The following MDC1 variants were observed in gnomAD, a reference collection of about 807,000 sequenced individuals.
MDC1 encodes the protein mediator of DNA damage checkpoint 1.
MDC1 carries 81 observed loss-of-function variants against 142.5 expected under a neutral mutation model. The ratio of observed to expected loss-of-function variants is 0.57; its 90% CI spans 0.47 to 0.68. MDC1 has a LOEUF of 0.68. Ranked by LOEUF, MDC1 falls within the 30% of genes least tolerant of loss-of-function variation. The pLI is 0.00. For missense variants in MDC1, 2,119 were observed against 2,547.9 expected (o/e 0.83, Z 3.62); for synonymous variants, 797 against 968.4 (o/e 0.82, Z 3.29).
chr6:30,705,557 A>G lies in MDC1; in HGVS notation c.3626T>C (p.Leu1209Pro). Residue 1209 changes from leucine to proline, a missense_variant, in exon 10 of 15, where the codon CTC becomes CCC. Transcript: ENST00000376406. ...TCGGTCGGTGGAGGTGGAAGGCTGG[A>G]GCTCAAGGGCTGTGGGCACAACTGT... The part of the protein sequence containing the change: ...PETVVPTALE[L>P]QPSTSTDRPV... 1 of 1,605,070 alleles carries G rather than the reference A, an allele frequency of 6.2e-7. No individual in the cohort carries two copies. Among genetic ancestry groups the G allele is most frequent in the Non-Finnish European group, 8.5e-7 (1 of 1,176,456 alleles).
chr6:30,703,287 C>T lies in MDC1; in HGVS notation c.5683-1G>A. The T allele has an allele frequency of 6.2e-7, 1 of 1,610,826 alleles. No homozygotes were observed. The highest frequency in any genetic ancestry group is 8.5e-7 in the Non-Finnish European group (1 of 1,178,276). Reference sequence around the variant, plus strand: ...CATCCACCACTCCTGTGAAGAGCACCTGTGGAAGGGTTGACCTGAGGTGGT... The same window carrying T: ...CATCCACCACTCCTGTGAAGAGCACTTGTGGAAGGGTTGACCTGAGGTGGT... On this transcript the variant is annotated splice_acceptor_variant, in intron 11 of 14. Transcript: ENST00000376406. LOFTEE classifies it high-confidence loss of function. The surrounding 1 kb of genome is among the most constrained non-coding windows in gnomAD (Gnocchi z 4.4).
chr6:30,712,163 T>C lies in MDC1; in HGVS notation c.1779A>G (p.Ala593=). Residue 593 remains alanine, a synonymous_variant, in exon 5 of 15, where the codon GCA becomes GCG. Transcript: ENST00000376406. The surrounding 1 kb of genome is among the most constrained non-coding windows in gnomAD (Gnocchi z 4.7). ...EGTSLTASVV[A]DVRKSQLPAE... The stretch of plus-strand genomic sequence containing the variant: ...CTGGAAGCTGGCTCTTTCTTACATC[T>C]GCAACTACTGAGGCTGTTAGGGAGG... The C allele has an allele frequency of 6.2e-7, 1 of 1,612,742 alleles. No individual in the cohort carries two copies. The highest frequency in any genetic ancestry group is 8.5e-7 in the Non-Finnish European group (1 of 1,179,966).
chr6:30,701,080 AAAAAAAAAAAG>A (rs1359881886), intron 14 of MDC1, among the ~76,000 whole-genome samples: 26 of 133,286 alleles, frequency 2.0e-4, no homozygotes, highest in African/African-American at 7.3e-4. Context: ...ATCTCAAAAG[AAAAAAAAAAAG>A]AAAAAAAAAA....
chr6:30,716,228 T>TC lies in MDC1; in HGVS notation c.-4+1016_-4+1017insG, dbSNP rs1775640485. ...TTCAGTTCAAATGTCACTTTCTTTC[T>TC]TTTTTTTTTTTTTGAGATGGAATCT... On this transcript the variant is annotated intron_variant, in intron 1 of 14. Transcript: ENST00000376406. The surrounding 1 kb of genome is among the most constrained non-coding windows in gnomAD (Gnocchi z 4.4). Among the ~76,000 whole-genome samples the TC allele has an allele frequency of 8.2e-6, 1 of 121,716 alleles. No homozygotes were observed. The highest frequency in any genetic ancestry group is 3.5e-5 in the African/African-American group (1 of 28,730). 79.9% of individuals were successfully genotyped at this position (121,716 alleles called of 152,430 possible). A position where few individuals can be genotyped will look rare whatever the true frequency, so the allele number is the denominator to read the frequency against.
In MDC1 at chr6:30,703,713, G is replaced by T. The variant is rs1285149110; in HGVS notation, c.5470C>A (p.Gln1824Lys). ...SLATMDSPPH[Q>K]KQPQRGEVSQ... ...ACTTCCCCTCTTTGGGGCTGTTTTTGATGTGGTGGTGAATCCATGGTAGCT... is the reference window on the plus strand; with the variant it reads ...ACTTCCCCTCTTTGGGGCTGTTTTTTATGTGGTGGTGAATCCATGGTAGCT... The change falls in exon 10 of 15, where the codon CAA (glutamine) becomes AAA (lysine). Residue 1824 changes from glutamine (Q) to lysine (K), a missense_variant. Coordinates refer to ENST00000376406, the MANE Select transcript of MDC1 (RefSeq NM_014641.3). This position sits in a 1 kb window ranked among gnomAD's most constrained non-coding sequence, Gnocchi z 4.4. 1 of 1,540,724 alleles carries T rather than the reference G, an allele frequency of 6.5e-7. No individual in the cohort carries two copies. The highest frequency in any genetic ancestry group is 8.7e-7 in the Non-Finnish European group (1 of 1,148,438).
At position 30,704,699 on chromosome 6, in the gene MDC1, T is replaced by C; in HGVS notation, c.4484A>G (p.Glu1495Gly). 6.2e-7 allele frequency: 1 copy of C among 1,612,246 alleles called. No individual in the cohort carries two copies. Among genetic ancestry groups the C allele is most frequent in the Admixed American group, 1.7e-5 (1 of 59,826 alleles). Residue 1495 changes from glutamate (E) to glycine (G), a missense_variant, in exon 10 of 15, where the codon GAG (glutamate) becomes GGG (glycine). By Grantham distance (98) the Glu-to-Gly change is moderately conservative. Coordinates refer to ENST00000376406, the MANE Select transcript of MDC1 (RefSeq NM_014641.3). ...TPETVVPTAP[E>G]LQASASTDQP... ...GTCTGTGGAGGCGGAAGCCTGTAGC[T>C]CAGGGGCTGTGGGGACAACTGTTTC... is the stretch of plus-strand genomic sequence containing the variant.
At position 30,705,573 on chromosome 6, in the gene MDC1, G is replaced by A. The variant is rs1448917604; in HGVS notation, c.3610C>T (p.Pro1204Ser). 2 of 1,606,714 alleles carry A rather than the reference G, an allele frequency of 1.2e-6. No individual in the cohort carries two copies. Among genetic ancestry groups the A allele is most frequent in the Non-Finnish European group, 1.7e-6 (2 of 1,176,804 alleles). The change falls in exon 10 of 15, where the codon CCC (proline) becomes TCC (serine). Residue 1204 changes from proline (P) to serine (S), a missense_variant. Coordinates refer to ENST00000376406, the MANE Select transcript of MDC1 (RefSeq NM_014641.3). ...GAAGGCTGGAGCTCAAGGGCTGTGG[G>A]CACAACTGTTTCAGGGGTCTTGACA... ...SSVKTPETVV[P>S]TALELQPSTS...
Position 30,712,942 on chromosome 6 carries a change from C to T in MDC1, c.1000G>A (p.Glu334Lys). The T allele has an allele frequency of 6.2e-7, 1 of 1,613,120 alleles. No individual in the cohort carries two copies. Among genetic ancestry groups the T allele is most frequent in the Non-Finnish European group, 8.5e-7 (1 of 1,180,034 alleles). Residue 334 changes from glutamate to lysine, a missense_variant, in exon 5 of 15, where the codon GAA becomes AAA. Transcript: ENST00000376406. The surrounding 1 kb of genome is among the most constrained non-coding windows in gnomAD (Gnocchi z 4.7). ...FGFIDSDTDA[E>K]EERIPATPVV... ...GGGGTTGCTGGGATCCTCTCTTCTT[C>T]CGCATCAGTGTCGCTGTCGATGAAG...
At position 30,707,428 on chromosome 6, in the gene MDC1, C is replaced by T. The variant is rs1305393511; in HGVS notation, c.3040G>A (p.Ala1014Thr). The T allele has an allele frequency of 6.2e-7, 1 of 1,613,132 alleles. No individual in the cohort carries two copies. Among genetic ancestry groups the T allele is most frequent in the South Asian group, 1.1e-5 (1 of 91,086 alleles). ...GCTCTGATCCTGGAAGCCTTCTCAG[C>T]AGGTGGCATCTTGCAATTCAGGAGG... ...KGLLNCKMPP[A>T]EKASRIRAAE... The change falls in exon 9 of 15, where the codon GCT (alanine) becomes ACT (threonine). Residue 1014 changes from alanine to threonine, a missense_variant. Ala to Thr is a moderately conservative substitution (Grantham distance 58, BLOSUM62 0). Coordinates refer to ENST00000376406, the MANE Select transcript of MDC1 (RefSeq NM_014641.3).
rs1269971383 is a variant in MDC1 at position 30,704,842 on chromosome 6, T to C, written c.4341A>G (p.Thr1447=). Residue 1447 remains threonine, a synonymous_variant, in exon 10 of 15, where the codon ACA becomes ACG. Coordinates refer to ENST00000376406, the MANE Select transcript of MDC1 (RefSeq NM_014641.3). ...TNRSSVKTPE[T]VVPTAPELQP... is the part of the protein sequence containing the mutation. ...GGAGCTCAGGGGCTGTGGGGACAACTGTTTCAGGGGTCTTCACAGAGGACC... is the reference window on the plus strand; with the variant it reads ...GGAGCTCAGGGGCTGTGGGGACAACCGTTTCAGGGGTCTTCACAGAGGACC... The C allele has an allele frequency of 1.9e-6, 3 of 1,608,492 alleles. No homozygotes were observed. Among genetic ancestry groups the C allele is most frequent in the Non-Finnish European group, 2.5e-6 (3 of 1,177,820 alleles).
chr6:30,710,896 C>T (rs959861224), intron 7 of MDC1, among the ~76,000 whole-genome samples: 1 of 152,106 alleles, frequency 6.6e-6, no homozygotes. Context: ...ACTGGGACTA[C>T]AGGTGCTCAC....
chr6:30,703,298 T>C lies in MDC1; in HGVS notation c.5683-12A>G. 1 of 1,609,732 alleles carries C rather than the reference T, an allele frequency of 6.2e-7. No individual in the cohort carries two copies. Among genetic ancestry groups the C allele is most frequent in the Non-Finnish European group, 8.5e-7 (1 of 1,177,400 alleles). On this transcript the variant is annotated splice_polypyrimidine_tract_variant and intron_variant, in intron 11 of 14. Transcript: ENST00000376406. The surrounding 1 kb of genome is among the most constrained non-coding windows in gnomAD (Gnocchi z 4.4). Reference sequence around the variant, plus strand: ...CCTGTGAAGAGCACCTGTGGAAGGGTTGACCTGAGGTGGTTACGGCAACCC... The same window carrying C: ...CCTGTGAAGAGCACCTGTGGAAGGGCTGACCTGAGGTGGTTACGGCAACCC...
Position 30,705,323 on chromosome 6 carries a change from G to A in MDC1, c.3860C>T (p.Thr1287Ile), listed in dbSNP as rs745416087. 4.4e-6 allele frequency: 7 copies of A among 1,603,484 alleles called. No homozygotes were observed. Among genetic ancestry groups the A allele is most frequent in the South Asian group, 1.1e-5 (1 of 89,870 alleles). The change falls in exon 10 of 15, where the codon ACA becomes ATA. Residue 1287 changes from threonine to isoleucine, a missense_variant. Thr to Ile is a moderately conservative substitution (Grantham distance 89, BLOSUM62 -1). Transcript: ENST00000376406. The part of the protein sequence containing the change: ...SVKTPEPVVP[T>I]APELRPSTST... ...GGTGGAAGGCCGGAGCTCAGGGGCT[G>A]TGGGCACAACTGGTTCAGGGGTCTT...
chr6:30,711,546 A>G (rs1347072299), intron 6 of MDC1, 42 bp from the exon 7 acceptor site: 5 of 1,598,862 alleles, frequency 3.1e-6, no homozygotes, highest in Non-Finnish European at 4.3e-6. Context: ...CCTCCATACT[A>G]CTGTAGGGTT....
intron 9 of MDC1, among the ~76,000 whole-genome samples, chr6:30,706,887 C>T (rs57513044): frequency 3.9e-5 from 6 of 151,982 alleles, no homozygotes; most frequent in African/African-American, 1.4e-4. Flanking sequence ...ATTGTTTGAA[C>T]CCAAGAGACG....
chr6:30,711,919 C>T lies in MDC1; in HGVS notation c.2023G>A (p.Glu675Lys). 1 of 1,539,388 alleles carries T rather than the reference C, an allele frequency of 6.5e-7. No individual in the cohort carries two copies. Among genetic ancestry groups the T allele is most frequent in the Non-Finnish European group, 8.7e-7 (1 of 1,145,550 alleles). ...TCCTTGGTCCCACCCACATGTTGTT[C>T]TCTCTCCCTTCCTGTGGGGACCTGG... is the stretch of plus-strand genomic sequence containing the variant. ...GAQVPTGRER[E>K]QHVGGTKDSE... The change falls in exon 5 of 15, where the codon GAA (glutamate) becomes AAA (lysine). Residue 675 changes from glutamate to lysine, a missense_variant. By Grantham distance (56) the Glu-to-Lys change is moderately conservative (BLOSUM62 1). Coordinates refer to ENST00000376406, the MANE Select transcript of MDC1 (RefSeq NM_014641.3).
Position 30,703,439 on chromosome 6 carries a change from G to A in MDC1, c.5661C>T (p.Asn1887=). Residue 1887 remains asparagine (N), a synonymous_variant, in exon 11 of 15, where the codon AAC becomes AAT. Transcript: ENST00000376406. This position sits in a 1 kb window ranked among gnomAD's most constrained non-coding sequence, Gnocchi z 4.4. ...PSRSLRRTKL[N]QESTAPKVLF... is the part of the protein sequence containing the mutation. Reference sequence around the variant, plus strand: ...TTACTTTGGGGGCTGTTGATTCTTGGTTAAGTTTGGTCCGTCGGAGGCTGC... The same window carrying A: ...TTACTTTGGGGGCTGTTGATTCTTGATTAAGTTTGGTCCGTCGGAGGCTGC... 2 of 1,613,972 alleles carry A rather than the reference G, an allele frequency of 1.2e-6. No individual in the cohort carries two copies. Among genetic ancestry groups the A allele is most frequent in the South Asian group, 2.2e-5 (2 of 91,088 alleles).
At position 30,705,954 on chromosome 6, in the gene MDC1, T is replaced by C. The variant is rs775575652; in HGVS notation, c.3229A>G (p.Thr1077Ala). 4.3e-6 allele frequency: 7 copies of C among 1,613,686 alleles called. No individual in the cohort carries two copies. Among genetic ancestry groups the C allele is most frequent in the Non-Finnish European group, 5.9e-6 (7 of 1,179,940 alleles). Residue 1077 changes from threonine (T) to alanine (A), a missense_variant, in exon 10 of 15, where the codon ACC (threonine) becomes GCC (alanine). Thr to Ala is a moderately conservative substitution (Grantham distance 58, BLOSUM62 0). Transcript: ENST00000376406. ...LSPLLPSIKPTVRKTRQDGSQ... is the reference protein window; with the variant it reads ...LSPLLPSIKPAVRKTRQDGSQ... Reference sequence around the variant, plus strand: ...CCATCTTGCCTGGTCTTACGAACGGTTGGCTTGATAGAAGGTAAAAGGGGA... The same window carrying C: ...CCATCTTGCCTGGTCTTACGAACGGCTGGCTTGATAGAAGGTAAAAGGGGA...
rs903643524 is a variant in MDC1 at position 30,703,849 on chromosome 6, A to C, written c.5334T>G (p.Leu1778=). ...TAIPEPASPQ[L]LETPIHASQI... ...GGGAGGCATGAATTGGTGTCTCAAG[A>C]AGCTGGGGAGAGGCAGGCTCAGGAA... Residue 1778 remains leucine, a synonymous_variant, in exon 10 of 15, where the codon CTT becomes CTG. Transcript: ENST00000376406. The surrounding 1 kb of genome is among the most constrained non-coding windows in gnomAD (Gnocchi z 4.4). 1.2e-6 allele frequency: 2 copies of C among 1,613,348 alleles called. No individual in the cohort carries two copies. Among genetic ancestry groups the C allele is most frequent in the Non-Finnish European group, 1.7e-6 (2 of 1,179,724 alleles).
Sources: gnomAD v4.1 joint callset for allele counts (sites outside exome capture counted in the v4.1 genomes callset) on GRCh38, gnomAD v4.1.1 for gene constraint, Gnocchi (gnomAD v3.1) non-coding constraint, MANE v1.5 for transcripts, NCBI Gene and HGNC (gene_info 2026-07-23, HGNC 2026-07-21) for gene names.